DOCK3: variants seen among roughly 807,000 people sequenced by gnomAD.
DOCK3 encodes dedicator of cytokinesis 3.
A neutral mutation model predicts 265.6 loss-of-function variants in DOCK3; 60 were observed. The ratio of observed to expected loss-of-function variants is 0.23; its 90% CI spans 0.18 to 0.28. The LOEUF is 0.28. Among genes scored for constraint, DOCK3 ranks in the 10% least tolerant of loss-of-function variants. The pLI is 1.00. For missense variants in DOCK3, 1,981 were observed against 2,594.3 expected (o/e 0.76, Z 5.14); for synonymous variants, 881 against 938.0 (o/e 0.94, Z 1.11).
Position 51,379,327 on chromosome 3 carries a change from C to T in DOCK3, c.5501-798C>T, listed in dbSNP as rs370868902. ...TGGCCAGCGTTTTTAGTTCCAGGTG[C>T]TGGCATGCCCCACATGTGTGCTGGA... On this transcript the variant is annotated intron_variant, in intron 51 of 52. Transcript: ENST00000266037. 3.4e-5 allele frequency: 32 copies of T among 947,784 alleles called. No homozygotes were observed. In the East Asian group the frequency reaches 2.7e-3, roughly 79 times the overall value. The allele number at this position is 947,784 out of a possible 1,614,324, so 58.7% of individuals were successfully genotyped here.
intron 3 of DOCK3, chr3:50,877,650 TTTTTC>T (rs141046408): frequency 0.12 from 46,105 of 388,780 alleles, 3,706 homozygotes; most frequent in African/African-American, 0.25. Flanking sequence ...TGGCAGCCAC[TTTTTC>T]TTTTCTTTTC....
At chr3:51,274,235 T>C (rs2080684950) in intron 24 of DOCK3, among the ~76,000 whole-genome samples, 1 of 152,232 alleles carries the variant, frequency 6.6e-6, no homozygotes, top group African/African-American at 2.4e-5. Flanking sequence ...TGTTCATTGC[T>C]GTATACACAC....
intron 5 of DOCK3, among the ~76,000 whole-genome samples, chr3:50,957,363 A>G (rs190471756): frequency 9.8e-5 from 15 of 152,326 alleles, no homozygotes; most frequent in African/African-American, 2.9e-4. Flanking sequence ...AAAAATGGAA[A>G]TTTAATGAGC....
At chr3:51,108,889 T>C (rs905860423) in intron 9 of DOCK3, among the ~76,000 whole-genome samples, 1 of 152,206 alleles carries the variant, frequency 6.6e-6, no homozygotes, top group African/African-American at 2.4e-5. Flanking sequence ...ATAAAGCAAA[T>C]TCTTAGAGAC....
chr3:51,076,188 A>C lies in DOCK3; in HGVS notation c.549+748A>C, dbSNP rs2082050781. Among the ~76,000 whole-genome samples the C allele has an allele frequency of 2.0e-5, 3 of 152,368 alleles. No individual in the cohort carries two copies. In the East Asian group the frequency reaches 5.8e-4, roughly 29 times the overall value. On this transcript the variant is annotated intron_variant, in intron 7 of 52. Coordinates refer to ENST00000266037, the MANE Select transcript of DOCK3 (RefSeq NM_004947.5). ...TGCCTAAGTAATATGCAAATAACATATCAATTGCTTCTGCACATTTGTTTG... is the reference window on the plus strand; with the variant it reads ...TGCCTAAGTAATATGCAAATAACATCTCAATTGCTTCTGCACATTTGTTTG...
chr3:51,169,957 G>A (rs1312654710), intron 12 of DOCK3, among the ~76,000 whole-genome samples: 1 of 152,040 alleles, frequency 6.6e-6, no homozygotes, highest in Non-Finnish European at 1.5e-5. Flanking sequence ...CAGAAATTTT[G>A]CATCTGTGTT....
chr3:51,276,754 A>G (rs1336436167), intron 25 of DOCK3, among the ~76,000 whole-genome samples: 1 of 152,168 alleles, frequency 6.6e-6, no homozygotes, highest in African/African-American at 2.4e-5. Flanking sequence ...TGTTTAGTGA[A>G]TGATAAATCG....
chr3:51,306,022 T>C (rs1399767868), intron 27 of DOCK3, among the ~76,000 whole-genome samples: 1 of 149,918 alleles, frequency 6.7e-6, no homozygotes, highest in Non-Finnish European at 1.5e-5. Flanking sequence ...TTTTTTTTTT[T>C]CTTTTTTTTT....
intron 2 of DOCK3, among the ~76,000 whole-genome samples, chr3:50,826,774 GA>G (rs1307741126): frequency 6.6e-6 from 1 of 152,172 alleles, no homozygotes; most frequent in Non-Finnish European, 1.5e-5. Flanking sequence ...TAGCAAGAAT[GA>G]AAATCTCAGT....
chr3:51,327,676 C>CTTTTT (rs563361812), intron 32 of DOCK3, among the ~76,000 whole-genome samples: 8 of 124,200 alleles, frequency 6.4e-5, no homozygotes, highest in Non-Finnish European at 1.0e-4. Context: ...CCATCACCAG[C>CTTTTT]TTTTTTTTTT....
intron 10 of DOCK3, among the ~76,000 whole-genome samples, chr3:51,148,654 G>C (rs2085418718): frequency 2.6e-5 from 4 of 152,188 alleles, no homozygotes; most frequent in African/African-American, 9.7e-5. Context: ...GATGGTTCTA[G>C]ATGTGTGGTG....
chr3:51,157,794 AC>A (rs1158838916), intron 10 of DOCK3, among the ~76,000 whole-genome samples: 5 of 135,378 alleles, frequency 3.7e-5, no homozygotes, highest in Non-Finnish European at 1.6e-5. Context: ...ATTTGATTGT[AC>A]CTTTTTTTTT....
chr3:50,978,887 G>T (rs892959193), intron 5 of DOCK3, among the ~76,000 whole-genome samples: 1 of 152,150 alleles, frequency 6.6e-6, no homozygotes, highest in Non-Finnish European at 1.5e-5. Flanking sequence ...CGCAGTATTC[G>T]GGTGGGAGTG....
intron 25 of DOCK3, 24 bp from the exon 26 acceptor site, chr3:51,277,584 G>A (rs1253804345): frequency 5.9e-6 from 9 of 1,514,328 alleles, no homozygotes; most frequent in Non-Finnish European, 8.0e-6. Context: ...TGCTAATGGT[G>A]TGCTCTCTTG....
At chr3:50,705,477 G>A (rs1320602098) in intron 1 of DOCK3, among the ~76,000 whole-genome samples, 1 of 151,994 alleles carries the variant, frequency 6.6e-6, no homozygotes, top group Admixed American at 6.6e-5. Context: ...GTGCAGTGGC[G>A]TGATCTTGGC....
At chr3:50,870,146 A>T (rs1240802740) in intron 3 of DOCK3, among the ~76,000 whole-genome samples, 1 of 152,208 alleles carries the variant, frequency 6.6e-6, no homozygotes, top group African/African-American at 2.4e-5. Context: ...TGTAGTGCAG[A>T]TTAAATCTGA....
chr3:51,187,514 G>A (rs1240344781), intron 12 of DOCK3, among the ~76,000 whole-genome samples: 1 of 152,144 alleles, frequency 6.6e-6, no homozygotes, highest in African/African-American at 2.4e-5. Flanking sequence ...GGGATGGCAT[G>A]GGTGGTTTTG....
chr3:50,970,949 TG>T (rs2077210732), intron 5 of DOCK3, among the ~76,000 whole-genome samples: 2 of 24,450 alleles, frequency 8.2e-5, no homozygotes, highest in African/African-American at 1.3e-4. Context: ...ATATATATAA[TG>T]TGTGTGTGTG....
At chr3:50,711,354 T>C (rs1289876781) in intron 1 of DOCK3, among the ~76,000 whole-genome samples, 1 of 151,608 alleles carries the variant, frequency 6.6e-6, no homozygotes, top group African/African-American at 2.4e-5. Flanking sequence ...CTTTGCCTCC[T>C]GGGTTCACAT....
Sources: allele counts gnomAD v4.1 joint callset (sites outside exome capture counted in the v4.1 genomes callset), GRCh38; gene constraint gnomAD v4.1.1; transcripts MANE v1.5; gene names NCBI Gene and HGNC (gene_info 2026-07-23, HGNC 2026-07-21).